Variants in PARD3 observed in about 807,000 individuals in gnomAD.
PARD3 encodes the protein par-3 family cell polarity regulator, also known as partitioning defective 3 homolog.
PARD3 carries 75 observed loss-of-function variants against 155.4 expected under a neutral mutation model. The observed-to-expected ratio is 0.48, with a 90% CI of 0.40 to 0.58. The LOEUF (loss-of-function observed/expected upper bound fraction) is 0.58. PARD3 is among the 20% of genes least tolerant of loss of function. The pLI is 0.00. For missense variants in PARD3, 1,642 were observed against 1,721.7 expected, an observed-to-expected ratio of 0.95 and a Z score of 0.82; for synonymous variants, 576 against 610.5, an observed-to-expected ratio of 0.94 and a Z score of 0.83.
At chr10:34,553,830 A>G (rs908633085) in intron 2 of PARD3, among the ~76,000 whole-genome samples, 1 of 152,210 alleles carries the variant, frequency 6.6e-6, no homozygotes, top group Admixed American at 6.5e-5. Flanking sequence ...TTACAACACT[A>G]AAAAGGATGC....
At chr10:34,572,581 C>T (rs73267347) in intron 2 of PARD3, among the ~76,000 whole-genome samples, 6,362 of 148,826 alleles carry the variant, frequency 0.043, 387 homozygotes, top group African/African-American at 0.14. Flanking sequence ...GCAGCAGTTG[C>T]GGTAAGCCGA....
chr10:34,558,649 G>A (rs935392805), intron 2 of PARD3, among the ~76,000 whole-genome samples: 3 of 152,072 alleles, frequency 2.0e-5, no homozygotes, highest in Non-Finnish European at 4.4e-5. Flanking sequence ...GCACACTGCC[G>A]GCCTGGTGCG....
Position 34,258,903 on chromosome 10 carries a change from C to G in PARD3, c.3419+10754G>C, listed in dbSNP as rs77940525. On this transcript the variant is annotated intron_variant, in intron 22 of 24. Transcript: ENST00000374788. ...TCTACAAAACACAGTGAGACTCCGTCTCTACAAAAAATAAAATTAGCTGGG... is the reference window on the plus strand; with the variant it reads ...TCTACAAAACACAGTGAGACTCCGTGTCTACAAAAAATAAAATTAGCTGGG... 6.5e-3 allele frequency among the ~76,000 whole-genome samples: 985 copies of G among 152,088 alleles called. 12 individuals carry two copies. Among genetic ancestry groups the G allele is most frequent in the African/African-American group, 0.023 (949 of 41,462 alleles).
At chr10:34,537,149 C>T (rs551054084) in intron 2 of PARD3, among the ~76,000 whole-genome samples, 4 of 152,252 alleles carry the variant, frequency 2.6e-5, no homozygotes, top group South Asian at 2.1e-4. Flanking sequence ...ACTACAGGTG[C>T]GTGTCACCAC....
intron 21 of PARD3, among the ~76,000 whole-genome samples, chr10:34,271,350 T>C (rs1457346523): frequency 6.6e-6 from 1 of 152,144 alleles, no homozygotes; most frequent in Non-Finnish European, 1.5e-5. Flanking sequence ...AAAGAAATTA[T>C]ACACCGTGAC....
chr10:34,142,849 T>C (rs1308769306), intron 22 of PARD3, among the ~76,000 whole-genome samples: 2 of 152,212 alleles, frequency 1.3e-5, no homozygotes, highest in Non-Finnish European at 2.9e-5. Context: ...ATTATATTAT[T>C]CATTCAATAA....
At chr10:34,300,173 G>C (rs1342321720) in intron 20 of PARD3, among the ~76,000 whole-genome samples, 2 of 152,074 alleles carry the variant, frequency 1.3e-5, no homozygotes, top group Admixed American at 1.3e-4. Context: ...GAAAAACAAA[G>C]ATATCCACAA....
intron 2 of PARD3, among the ~76,000 whole-genome samples, chr10:34,641,269 TCA>T (rs1393278776): frequency 3.9e-5 from 6 of 152,128 alleles, no homozygotes; most frequent in Non-Finnish European, 7.4e-5. Flanking sequence ...AACAAGGAAA[TCA>T]CAGAGGCCAA....
At chr10:34,666,060 ATT>A (rs1489846178) in intron 2 of PARD3, among the ~76,000 whole-genome samples, 1,711 of 151,462 alleles carry the variant, frequency 0.011, 35 homozygotes, top group African/African-American at 0.04. Context: ...CAAAAAAAAA[ATT>A]AAATTAAATT....
At chr10:34,143,831 GAAGA>G (rs1195155830) in intron 22 of PARD3, among the ~76,000 whole-genome samples, 7 of 151,930 alleles carry the variant, frequency 4.6e-5, no homozygotes, top group African/African-American at 7.3e-5. Flanking sequence ...AACCATTAAT[GAAGA>G]GTTTGTATTA....
At chr10:34,374,799 T>G (rs1841048893) in intron 11 of PARD3, 75 bp downstream of exon 11, 9 of 1,385,706 alleles carry the variant, frequency 6.5e-6, no homozygotes, top group Non-Finnish European at 8.0e-6. Flanking sequence ...CAATAAACAT[T>G]TGCCATCAGG....
chr10:34,361,279 T>G (rs746931743), intron 12 of PARD3, among the ~76,000 whole-genome samples: 2 of 152,244 alleles, frequency 1.3e-5, no homozygotes, highest in Non-Finnish European at 2.9e-5. Context: ...GCACATCTAG[T>G]CCTACAACCT....
At chr10:34,192,888 C>G (rs1164275263) in intron 22 of PARD3, among the ~76,000 whole-genome samples, 1 of 152,146 alleles carries the variant, frequency 6.6e-6, no homozygotes, top group Non-Finnish European at 1.5e-5. Flanking sequence ...ATTATCATGC[C>G]CGCCTCTCTA....
intron 2 of PARD3, among the ~76,000 whole-genome samples, chr10:34,693,060 G>A (rs553531110): frequency 2.0e-5 from 3 of 152,270 alleles, no homozygotes; most frequent in Middle Eastern, 3.4e-3. Context: ...TCCGTGTCGC[G>A]TGAGAAATTC....
chr10:34,701,299 C>A (rs779624299), intron 1 of PARD3, among the ~76,000 whole-genome samples: 1 of 151,966 alleles, frequency 6.6e-6, no homozygotes, highest in Non-Finnish European at 1.5e-5. Flanking sequence ...TTATTTCCTA[C>A]TGAAAGCCCA....
chr10:34,482,855 A>T (rs1021351093), intron 3 of PARD3, among the ~76,000 whole-genome samples: 5 of 141,264 alleles, frequency 3.5e-5, no homozygotes, highest in African/African-American at 8.4e-5. Flanking sequence ...CCTTAAAATT[A>T]AAAAAAAAAA....
At chr10:34,409,216 G>A (rs1364887391) in intron 5 of PARD3, among the ~76,000 whole-genome samples, 2 of 151,994 alleles carry the variant, frequency 1.3e-5, no homozygotes, top group Non-Finnish European at 2.9e-5. Context: ...AAGAACAGAT[G>A]GTGCTGATTT....
chr10:34,738,158 C>G (rs1407008299), intron 1 of PARD3, among the ~76,000 whole-genome samples: 1 of 152,142 alleles, frequency 6.6e-6, no homozygotes, highest in Non-Finnish European at 1.5e-5. Flanking sequence ...CCACTCTTGC[C>G]CCACCACCAA....
rs143872813 is a variant in PARD3 at position 34,283,195 on chromosome 10, A to G, written c.3176+940T>C. On this transcript the variant is annotated intron_variant, in intron 21 of 24. Transcript: ENST00000374788. ...GTAAAAGCAGCCTAGCTTTAGAATT[A>G]TGGTAGGAATACTGGGCTTAATCTT... Among the ~76,000 whole-genome samples the G allele has an allele frequency of 2.2e-4, 33 of 152,248 alleles. No homozygotes were observed. In the East Asian group the frequency reaches 2.3e-3, roughly 11 times the overall value.
Sources: allele counts gnomAD v4.1 joint callset (sites outside exome capture counted in the v4.1 genomes callset), GRCh38; gene constraint gnomAD v4.1.1; transcripts MANE v1.5; gene names NCBI Gene and HGNC (gene_info 2026-07-23, HGNC 2026-07-21).